The following SHQ1 variants were observed in gnomAD, a reference collection of about 807,000 sequenced individuals.
The protein encoded by SHQ1 is SHQ1, H/ACA ribonucleoprotein assembly factor.
In SHQ1, 49 loss-of-function variants were observed where a neutral mutation model predicts 53.8. The observed-to-expected ratio is 0.91, with a 90% confidence interval of 0.72 to 1.16. The LOEUF (loss-of-function observed/expected upper bound fraction) is 1.16, where lower values mean the gene tolerates loss of function less well. SHQ1 is among the 50% of genes most tolerant of loss of function. The pLI, the probability that SHQ1 is intolerant of heterozygous loss-of-function variation, is 0.00. For synonymous variants in SHQ1, 243 were observed against 251.0 expected (o/e 0.97, Z 0.30); for missense variants, 738 against 683.1 (o/e 1.08, Z -0.90).
chr3:72,826,257 A>C (rs1376836436), intron 5 of SHQ1, among the ~76,000 whole-genome samples: 1 of 152,242 alleles, frequency 6.6e-6, no homozygotes, highest in Non-Finnish European at 1.5e-5. Context: ...ACAAGGACAA[A>C]ATAGCTGCTT....
rs1027222658 is a variant in SHQ1, at chr3:72,763,054, C to T, written c.1182-12218G>A. The stretch of plus-strand genomic sequence containing the variant: ...ACACACACACACACACACACACACA[C>T]ACACACACAGAGAGAGAGAGAGAGA... On this transcript the variant is annotated intron_variant, in intron 10 of 10. Transcript: ENST00000325599. Among the ~76,000 whole-genome samples, 1,190 of 138,024 alleles carry T rather than the reference C, an allele frequency of 8.6e-3. 9 individuals are homozygous for T. The highest frequency in any genetic ancestry group is 0.026 in the African/African-American group (840 of 32,114). The allele number at this position is 138,024 out of a possible 152,430, so 90.5% of individuals were successfully genotyped here.
intron 9 of SHQ1, among the ~76,000 whole-genome samples, chr3:72,801,694 T>C (rs1049359062): frequency 6.6e-6 from 1 of 152,244 alleles, no homozygotes; most frequent in Non-Finnish European, 1.5e-5. Flanking sequence ...GTCTGCACAC[T>C]GGTAGAACTG....
In SHQ1 at chr3:72,756,436, C is replaced by A. The variant is rs62251644; in HGVS notation, c.1182-5600G>T. Among the ~76,000 whole-genome samples the A allele has an allele frequency of 4.0e-3, 605 of 151,960 alleles. 6 individuals carry two copies. Among genetic ancestry groups the A allele is most frequent in the African/African-American group, 0.014 (587 of 41,434 alleles). ...GATTACAGGCATGCGCCACCACGCCCGGCTAATTTTTGTTATTTTTAGTAG... is the reference window on the plus strand; with the variant it reads ...GATTACAGGCATGCGCCACCACGCCAGGCTAATTTTTGTTATTTTTAGTAG... On this transcript the variant is annotated intron_variant, in intron 10 of 10. Transcript: ENST00000325599.
chr3:72,819,432 T>A (rs978088867), intron 6 of SHQ1, among the ~76,000 whole-genome samples: 1 of 152,210 alleles, frequency 6.6e-6, no homozygotes, highest in Non-Finnish European at 1.5e-5. Flanking sequence ...TTTCATGTAG[T>A]CAAATATGTC....
intron 10 of SHQ1, among the ~76,000 whole-genome samples, chr3:72,788,509 C>A (rs1706324944): frequency 6.6e-6 from 1 of 151,910 alleles, no homozygotes; most frequent in Non-Finnish European, 1.5e-5. Flanking sequence ...AGGGGGGGCG[C>A]CTCTGCCCTG....
chr3:72,756,483 G>T (rs900880598), intron 10 of SHQ1, among the ~76,000 whole-genome samples: 6 of 151,724 alleles, frequency 4.0e-5, no homozygotes, highest in African/African-American at 1.2e-4. Context: ...TGCCATGTTG[G>T]CCAGGCTGGT....
chr3:72,828,843 CA>C (rs1372062379), intron 5 of SHQ1, among the ~76,000 whole-genome samples: 1 of 152,012 alleles, frequency 6.6e-6, no homozygotes, highest in African/African-American at 2.4e-5. Context: ...CGATGACACA[CA>C]AAGGAGTTAG....
chr3:72,837,297 T>C (rs1198561413), intron 4 of SHQ1, among the ~76,000 whole-genome samples: 1 of 152,212 alleles, frequency 6.6e-6, no homozygotes, highest in Non-Finnish European at 1.5e-5. Flanking sequence ...AGCAAAAATA[T>C]TTTATTTTCT....
At chr3:72,817,472 T>G in intron 6 of SHQ1, 88 bp from the exon 7 acceptor site, 1 of 1,249,982 alleles carries the variant, frequency 8.0e-7, no homozygotes, top group Non-Finnish European at 1.1e-6. Context: ...GAACTTTGAT[T>G]ATAGAAACTG....
chr3:72,828,280 A>G (rs971020006), intron 5 of SHQ1, among the ~76,000 whole-genome samples: 2 of 152,260 alleles, frequency 1.3e-5, no homozygotes, highest in African/African-American at 4.8e-5. Context: ...CCAGTCTAAC[A>G]GGGCAAGTGC....
intron 6 of SHQ1, among the ~76,000 whole-genome samples, chr3:72,819,459 C>G (rs1356358625): frequency 6.6e-6 from 1 of 151,550 alleles, no homozygotes; most frequent in Non-Finnish European, 1.5e-5. Context: ...TTTTTTAAGA[C>G]AAGATTCTGG....
At chr3:72,767,225 A>G (rs1269637189) in intron 10 of SHQ1, among the ~76,000 whole-genome samples, 1 of 152,190 alleles carries the variant, frequency 6.6e-6, no homozygotes, top group Non-Finnish European at 1.5e-5. Context: ...TGAATTCTCC[A>G]TATTCCACCA....
chr3:72,754,672 C>T, intron 10 of SHQ1, among the ~76,000 whole-genome samples: 1 of 152,148 alleles, frequency 6.6e-6, no homozygotes, highest in Admixed American at 6.5e-5. Context: ...TGAGCCACTG[C>T]ACCTGGCCAA....
chr3:72,836,359 G>A (rs2106940003), intron 4 of SHQ1, among the ~76,000 whole-genome samples: 1 of 152,214 alleles, frequency 6.6e-6, no homozygotes, highest in Middle Eastern at 3.4e-3. Context: ...TGTGGTGGCG[G>A]GCACCTGTAG....
At chr3:72,793,840 T>C (rs974618141) in intron 9 of SHQ1, 2 of 152,192 alleles carry the variant, frequency 1.3e-5, no homozygotes, top group Non-Finnish European at 2.9e-5. Context: ...TAAAACATCA[T>C]AGCACTACTT....
chr3:72,729,160 C>G, the SHQ1 span, among the ~76,000 whole-genome samples: 2 of 152,228 alleles, frequency 1.3e-5, no homozygotes, highest in Non-Finnish European at 2.9e-5. Context: ...GAGCTTTTAT[C>G]TTGTGACTTG....
intron 10 of SHQ1, among the ~76,000 whole-genome samples, chr3:72,774,566 T>A (rs554260808): frequency 6.6e-6 from 1 of 152,288 alleles, no homozygotes; most frequent in African/African-American, 2.4e-5. Flanking sequence ...AGAAAAATAT[T>A]TCCAAAATTT....
chr3:72,748,329 CAAAAA>C (rs572927520), downstream of SHQ1, among the ~76,000 whole-genome samples: 1 of 58,790 alleles, frequency 1.7e-5, no homozygotes, highest in Non-Finnish European at 3.0e-5. Flanking sequence ...ATGAGGCATG[CAAAAA>C]AAAAAAAAAA....
At position 72,796,928 on chromosome 3, in the gene SHQ1, TA is replaced by T. The variant is rs60237295; in HGVS notation, c.1061-3893del. Among the ~76,000 whole-genome samples the T allele has an allele frequency of 8.1e-3, 970 of 119,838 alleles. 4 individuals carry two copies. Among genetic ancestry groups the T allele is most frequent in the Middle Eastern group, 0.019 (4 of 208 alleles). 78.6% of individuals were successfully genotyped at this position (119,838 alleles called of 152,430 possible). On this transcript the variant is annotated intron_variant, in intron 9 of 10. Coordinates refer to ENST00000325599, the MANE Select transcript of SHQ1 (RefSeq NM_018130.3). ...TTGCATGTTCTGATCCCTATTTTCT[TA>T]AAAAAAAAAAAAAAAAAAAAGACTA...
Sources: allele counts gnomAD v4.1 joint callset (sites outside exome capture counted in the v4.1 genomes callset), GRCh38; gene constraint gnomAD v4.1.1; transcripts MANE v1.5; gene names NCBI Gene and HGNC (gene_info 2026-07-23, HGNC 2026-07-21).